P4HB: variants seen among roughly 807,000 people sequenced by gnomAD.
P4HB encodes prolyl 4-hydroxylase subunit beta, also known as protein disulfide-isomerase.
A neutral mutation model predicts 52.6 loss-of-function variants in P4HB; 20 were observed. The observed-to-expected ratio is 0.38, with a 90% CI of 0.27 to 0.55. The LOEUF (loss-of-function observed/expected upper bound fraction) is 0.55, where lower values mean the gene tolerates loss of function less well. P4HB is among the 20% of genes least tolerant of loss of function. The pLI is 0.74. For missense variants in P4HB, 601 were observed against 669.2 expected (o/e 0.90, Z 1.12); for synonymous variants, 296 against 277.9 (o/e 1.07, Z -0.65).
At position 81,844,749 on chromosome 17, in the gene P4HB, C is replaced by T. The variant is rs112383781; in HGVS notation, c.1446+395G>A. Among the ~76,000 whole-genome samples, 291 of 152,358 alleles carry T rather than the reference C, an allele frequency of 1.9e-3. 1 individual carries two copies. Among genetic ancestry groups the T allele is most frequent in the African/African-American group, 6.6e-3 (276 of 41,576 alleles). On this transcript the variant is annotated intron_variant, in intron 10 of 10. Coordinates refer to ENST00000331483, the MANE Select transcript of P4HB (RefSeq NM_000918.4). ...ACCACTGCTGCTGGCCACGCGCTGACGGGCAGGACTAAACTCCCGAGGGCA... is the reference window on the plus strand; with the variant it reads ...ACCACTGCTGCTGGCCACGCGCTGATGGGCAGGACTAAACTCCCGAGGGCA...
In P4HB at chr17:81,846,719, G is replaced by A; in HGVS notation, c.856-90C>T. The A allele has an allele frequency of 7.3e-7, 1 of 1,375,790 alleles. No homozygotes were observed. Among genetic ancestry groups the A allele is most frequent in the Non-Finnish European group, 1.0e-6 (1 of 986,630 alleles). The allele number at this position is 1,375,790 out of a possible 1,614,324, so 85.2% of individuals were successfully genotyped here. ...TTGCTCGGAAGCAGACCGTGCTCCG[G>A]TGCCTTTTTCCTCCAACCTGGATTC... On this transcript the variant is annotated intron_variant, in intron 6 of 10. Coordinates refer to ENST00000331483, the MANE Select transcript of P4HB (RefSeq NM_000918.4). The surrounding 1 kb of genome is among the most constrained non-coding windows in gnomAD (Gnocchi z 5.7).
Position 81,855,889 on chromosome 17 carries a change from A to ACACAGGGGCTCACTCTGTTAC in P4HB, c.353-324_353-304dup, listed in dbSNP as rs2038906173. On this transcript the variant is annotated intron_variant, in intron 2 of 10. Coordinates refer to ENST00000331483, the MANE Select transcript of P4HB (RefSeq NM_000918.4). The surrounding 1 kb of genome is among the most constrained non-coding windows in gnomAD (Gnocchi z 4.3). ...TCTCTGCATTTTCTTTTTTCTTTTGACACAGGGGCTCACTCTGTTACCCAG... is the reference window on the plus strand; with the variant it reads ...TCTCTGCATTTTCTTTTTTCTTTTGACACAGGGGCTCACTCTGTTACCACAGGGGCTCACTCTGTTACCCAG... The ACACAGGGGCTCACTCTGTTAC allele has an allele frequency of 1.6e-5, 5 of 310,198 alleles. No individual in the cohort carries two copies. The South Asian group carries it at 3.0e-4, about 19-fold the overall frequency. The allele number at this position is 310,198 out of a possible 1,614,324, so 19.2% of individuals were successfully genotyped here.
chr17:81,858,509 A>G (rs1367991519), intron 2 of P4HB, among the ~76,000 whole-genome samples: 1 of 152,176 alleles, frequency 6.6e-6, no homozygotes, highest in Non-Finnish European at 1.5e-5. Flanking sequence ...AGCATCTGAC[A>G]TGCCACAGAA....
Position 81,843,567 on chromosome 17 carries a change from C to G in P4HB, c.*445G>C. The G allele has an allele frequency of 2.3e-6, 1 of 438,686 alleles. No homozygotes were observed. The highest frequency in any genetic ancestry group is 3.3e-5 in the East Asian group (1 of 29,884). The allele number at this position is 438,686 out of a possible 1,614,324, so 27.2% of individuals were successfully genotyped here. A position where few individuals can be genotyped will look rare whatever the true frequency, so the allele number is the denominator to read the frequency against. ...GACCATGTCCAGTCCGGCTCCGTCCCTCCCACACGGGGGACAAGCTTCTCC... is the reference window on the plus strand; with the variant it reads ...GACCATGTCCAGTCCGGCTCCGTCCGTCCCACACGGGGGACAAGCTTCTCC... On this transcript the variant is annotated 3_prime_UTR_variant, in exon 11 of 11. Coordinates refer to ENST00000331483, the MANE Select transcript of P4HB (RefSeq NM_000918.4).
intron 4 of P4HB, among the ~76,000 whole-genome samples, chr17:81,852,460 A>G (rs944619232): frequency 1.4e-4 from 21 of 152,168 alleles, no homozygotes; most frequent in African/African-American, 5.1e-4. Flanking sequence ...AACAAGTTGG[A>G]CTCATCCTCT....
At position 81,847,034 on chromosome 17, in the gene P4HB, G is replaced by A. The variant is rs766508965; in HGVS notation, c.768C>T (p.His256=). 17 of 1,613,954 alleles carry A rather than the reference G, an allele frequency of 1.1e-5. No homozygotes were observed. Among genetic ancestry groups the A allele is most frequent in the Non-Finnish European group, 1.1e-5 (13 of 1,179,998 alleles). The change falls in exon 6 of 11, where the codon CAC becomes CAT. Residue 256 remains histidine (H), a synonymous_variant. Coordinates refer to ENST00000331483, the MANE Select transcript of P4HB (RefSeq NM_000918.4). ...CACTCTTGGGCAAGAACAGCAGGAT[G>A]TGAGTCTTGATTTCACCTCCAAAAA... The part of the protein sequence containing the change: ...PKIFGGEIKT[H]ILLFLPKSVS...
chr17:81,846,513 C>G lies in P4HB; in HGVS notation c.972G>C (p.Met324Ile). The change falls in exon 7 of 11, where the codon ATG (methionine) becomes ATC (isoleucine). Residue 324 changes from methionine to isoleucine, a missense_variant. Met to Ile is a conservative substitution (Grantham distance 10, BLOSUM62 1). Coordinates refer to ENST00000331483, the MANE Select transcript of P4HB (RefSeq NM_000918.4). The surrounding 1 kb of genome is among the most constrained non-coding windows in gnomAD (Gnocchi z 5.7). ...AVRLITLEEE[M>I]TKYKPESEEL... ...CCTCCGATTCGGGCTTGTACTTGGT[C>G]ATCTCCTCCTCCAGGGTGATGAGGC... 2 of 1,614,028 alleles carry G rather than the reference C, an allele frequency of 1.2e-6. No homozygotes were observed. Among genetic ancestry groups the G allele is most frequent in the Non-Finnish European group, 1.7e-6 (2 of 1,180,036 alleles).
rs1217748384 is a variant in P4HB, at chr17:81,843,386, A to AG, written c.*625dup. 1 of 394,720 alleles carries AG rather than the reference A, an allele frequency of 2.5e-6. No homozygotes were observed. Among genetic ancestry groups the AG allele is most frequent in the Non-Finnish European group, 4.5e-6 (1 of 224,204 alleles). 24.5% of individuals were successfully genotyped at this position (394,720 alleles called of 1,614,324 possible). A position where few individuals can be genotyped will look rare whatever the true frequency, so the allele number is the denominator to read the frequency against. The stretch of plus-strand genomic sequence containing the variant: ...GGAGGAGGAGCCCTGGCTTGAGGGA[A>AG]GGGGAAGGCCCAGGCCTGTGCCGGG... On this transcript the variant is annotated 3_prime_UTR_variant, in exon 11 of 11. Coordinates refer to ENST00000331483, the MANE Select transcript of P4HB (RefSeq NM_000918.4).
chr17:81,859,104 A>G lies in P4HB; in HGVS notation c.352+77T>C, dbSNP rs2038958191. On this transcript the variant is annotated intron_variant, in intron 2 of 10. Transcript: ENST00000331483. ...GGAACCCGGCCTCCCCACCGCTCAG[A>G]CAGCTGCCCCTGCCCTTCCAAGTCG... 3.6e-6 allele frequency: 5 copies of G among 1,381,068 alleles called. No individual in the cohort carries two copies. The Admixed American group carries it at 8.4e-5, about 23-fold the overall frequency. 85.6% of individuals were successfully genotyped at this position (1,381,068 alleles called of 1,614,324 possible).
chr17:81,859,950 T>A, intron 1 of P4HB: 1 of 195,006 alleles, frequency 5.1e-6, no homozygotes, highest in Non-Finnish European at 1.0e-5. Context: ...TGAGACACCA[T>A]CGGAAGGACT....
Position 81,846,044 on chromosome 17 carries a change from AG to A in P4HB, c.1057-54del. 1.3e-6 allele frequency: 2 copies of A among 1,536,976 alleles called. No homozygotes were observed. The highest frequency in any genetic ancestry group is 1.8e-6 in the Non-Finnish European group (2 of 1,140,912). On this transcript the variant is annotated intron_variant, in intron 7 of 10. Coordinates refer to ENST00000331483, the MANE Select transcript of P4HB (RefSeq NM_000918.4). This position sits in a 1 kb window ranked among gnomAD's most constrained non-coding sequence, Gnocchi z 5.7. ...GGCGGCGATGCCTGGGGGACCACAGAGCTCCCCAACCCTCACCCTGCCCGGG... is the reference window on the plus strand; with the variant it reads ...GGCGGCGATGCCTGGGGGACCACAGACTCCCCAACCCTCACCCTGCCCGGG...
intron 4 of P4HB, among the ~76,000 whole-genome samples, chr17:81,853,515 A>G (rs1313385114): frequency 2.0e-5 from 3 of 151,934 alleles, no homozygotes; most frequent in Non-Finnish European, 4.4e-5. Context: ...CGGAGCTTGC[A>G]GTGAGCTGAG....
rs765367581 is a variant in P4HB, at chr17:81,860,482, G to T, written c.-11C>A. ...AGCGCGGCGCAGCATGTCGGACACG[G>T]ATCAGGCGGGGCGCTTCGGTTGGCG... On this transcript the variant is annotated 5_prime_UTR_variant, in exon 1 of 11. Coordinates refer to ENST00000331483, the MANE Select transcript of P4HB (RefSeq NM_000918.4). The T allele has an allele frequency of 2.3e-6, 3 of 1,284,326 alleles. No homozygotes were observed. Among genetic ancestry groups the T allele is most frequent in the East Asian group, 3.1e-5 (1 of 31,758 alleles). The allele number at this position is 1,284,326 out of a possible 1,614,324, so 79.6% of individuals were successfully genotyped here. A position where few individuals can be genotyped will look rare whatever the true frequency, so the allele number is the denominator to read the frequency against.
intron 4 of P4HB, among the ~76,000 whole-genome samples, chr17:81,848,849 A>G (rs777079073): frequency 8.0e-5 from 12 of 150,416 alleles, no homozygotes; most frequent in Non-Finnish European, 1.6e-4. Flanking sequence ...GTTTGGGACC[A>G]GCCTGGCCAA....
At chr17:81,859,004 A>G (rs2038957254) in intron 2 of P4HB, 177 bp downstream of exon 2, 5 of 608,826 alleles carry the variant, frequency 8.2e-6, no homozygotes, top group Non-Finnish European at 1.5e-5. Context: ...TCCAGGATGA[A>G]AACTCCTCAC....
Position 81,846,056 on chromosome 17 carries a change from C to T in P4HB, c.1057-65G>A, listed in dbSNP as rs1447652247. 5 of 1,503,920 alleles carry T rather than the reference C, an allele frequency of 3.3e-6. No homozygotes were observed. Among genetic ancestry groups the T allele is most frequent in the Non-Finnish European group, 4.4e-6 (5 of 1,125,668 alleles). 93.2% of individuals were successfully genotyped at this position (1,503,920 alleles called of 1,614,324 possible). A position where few individuals can be genotyped will look rare whatever the true frequency, so the allele number is the denominator to read the frequency against. On this transcript the variant is annotated intron_variant, in intron 7 of 10. Coordinates refer to ENST00000331483, the MANE Select transcript of P4HB (RefSeq NM_000918.4). This position sits in a 1 kb window ranked among gnomAD's most constrained non-coding sequence, Gnocchi z 5.7. The stretch of plus-strand genomic sequence containing the variant: ...TGGGGGACCACAGAGCTCCCCAACC[C>T]TCACCCTGCCCGGGACTGAGGTGCG...
intron 2 of P4HB, among the ~76,000 whole-genome samples, chr17:81,856,749 A>G (rs564066303): frequency 1.5e-3 from 228 of 150,186 alleles, no homozygotes; most frequent in African/African-American, 5.4e-3. Flanking sequence ...TCCCAGGTTC[A>G]AGTGATTCTC....
At position 81,843,198 on chromosome 17, in the gene P4HB, A is replaced by G. The variant is rs200425539; in HGVS notation, c.*814T>C. 1.4e-5 allele frequency: 4 copies of G among 293,412 alleles called. No individual in the cohort carries two copies. The highest frequency in any genetic ancestry group is 2.5e-5 in the Non-Finnish European group (4 of 159,790). The allele number at this position is 293,412 out of a possible 1,614,324, so 18.2% of individuals were successfully genotyped here. A position where few individuals can be genotyped will look rare whatever the true frequency, so the allele number is the denominator to read the frequency against. ...TCAACTTTATTTGGCCAATGTGTTC[A>G]ATTCGATTGTGAAATAGAAATGCCT... On this transcript the variant is annotated 3_prime_UTR_variant, in exon 11 of 11. Transcript: ENST00000331483.
chr17:81,859,451 C>T lies in P4HB; in HGVS notation c.146-64G>A. 3.6e-6 allele frequency: 5 copies of T among 1,381,622 alleles called. 1 individual carries two copies. The South Asian group carries it at 4.7e-5, about 13-fold the overall frequency. The allele number at this position is 1,381,622 out of a possible 1,614,324, so 85.6% of individuals were successfully genotyped here. ...CCCTAAAGCAGCCTTGATCCCTCAGCAGTGCTTCCCTTTTTCCTCTGGCAT... is the reference window on the plus strand; with the variant it reads ...CCCTAAAGCAGCCTTGATCCCTCAGTAGTGCTTCCCTTTTTCCTCTGGCAT... On this transcript the variant is annotated intron_variant, in intron 1 of 10. Coordinates refer to ENST00000331483, the MANE Select transcript of P4HB (RefSeq NM_000918.4).
Sources: gnomAD v4.1 joint callset for allele counts (sites outside exome capture counted in the v4.1 genomes callset) on GRCh38, gnomAD v4.1.1 for gene constraint, Gnocchi (gnomAD v3.1) non-coding constraint, MANE v1.5 for transcripts, NCBI Gene and HGNC (gene_info 2026-07-23, HGNC 2026-07-21) for gene names.